TMEM132B: variants seen among roughly 807,000 people sequenced by gnomAD.
The protein encoded by TMEM132B is transmembrane protein 132B.
A neutral mutation model predicts 90.8 loss-of-function variants in TMEM132B; 18 were observed. The observed-to-expected ratio is 0.20, with a 90% CI of 0.14 to 0.29. TMEM132B has a LOEUF of 0.29. TMEM132B is among the 10% of genes least tolerant of loss of function. The pLI is 1.00. For synonymous variants in TMEM132B, 504 were observed against 523.3 expected, an observed-to-expected ratio of 0.96 and a Z score of 0.50; for missense variants, 1,096 against 1,326.8, an observed-to-expected ratio of 0.83 and a Z score of 2.70.
At chr12:125,269,621 A>T (rs534135659) in intron 1 of TMEM132B, among the ~76,000 whole-genome samples, 1 of 152,240 alleles carries the variant, frequency 6.6e-6, no homozygotes, top group South Asian at 2.1e-4. Flanking sequence ...GTGTCCGGGG[A>T]TCATCCTGTC....
intron 3 of TMEM132B, among the ~76,000 whole-genome samples, chr12:125,435,068 GTC>G (rs1242206111): frequency 6.6e-6 from 1 of 152,172 alleles, no homozygotes; most frequent in African/African-American, 2.4e-5. Context: ...TGTACAGATT[GTC>G]TCTTCTTAAG....
chr12:125,555,524 A>G (rs1335897608), intron 4 of TMEM132B, among the ~76,000 whole-genome samples: 1 of 136,900 alleles, frequency 7.3e-6, no homozygotes, highest in Non-Finnish European at 1.5e-5. Context: ...TGGAGAGGTT[A>G]AGTGCAGGAA....
chr12:125,295,095 C>T (rs1159371797), intron 1 of TMEM132B, among the ~76,000 whole-genome samples: 2 of 152,106 alleles, frequency 1.3e-5, no homozygotes, highest in African/African-American at 4.8e-5. Flanking sequence ...AGGAAGTGAA[C>T]AAAAGTTAAC....
At chr12:125,466,426 A>G (rs563362667) in intron 3 of TMEM132B, among the ~76,000 whole-genome samples, 2 of 152,310 alleles carry the variant, frequency 1.3e-5, no homozygotes, top group East Asian at 3.9e-4. Flanking sequence ...GGTAGTTCTC[A>G]CCAGGACAAC....
chr12:125,567,520 C>A (rs555618554), intron 4 of TMEM132B, among the ~76,000 whole-genome samples: 1 of 152,174 alleles, frequency 6.6e-6, no homozygotes, highest in Non-Finnish European at 1.5e-5. Context: ...AACGGAGCCT[C>A]CAGCCAAGGC....
chr12:125,299,013 G>A (rs982994462), intron 1 of TMEM132B, among the ~76,000 whole-genome samples: 2 of 152,020 alleles, frequency 1.3e-5, no homozygotes, highest in African/African-American at 4.8e-5. Flanking sequence ...GATTACAGGC[G>A]TGAGCCACCA....
chr12:125,532,767 G>A (rs1023189125), intron 4 of TMEM132B, among the ~76,000 whole-genome samples: 9 of 151,930 alleles, frequency 5.9e-5, no homozygotes, highest in Admixed American at 2.6e-4. Context: ...TGCCCCCCTC[G>A]GCCTCCCAAA....
rs191656820 is a variant in TMEM132B, at chr12:125,468,563, T to G, written c.1107-50876T>G. Among the ~76,000 whole-genome samples, 195 of 152,326 alleles carry G rather than the reference T, an allele frequency of 1.3e-3. 1 individual carries two copies. Among genetic ancestry groups the G allele is most frequent in the Middle Eastern group, 3.4e-3 (1 of 294 alleles). On this transcript the variant is annotated intron_variant, in intron 3 of 8. Coordinates refer to ENST00000682704, the MANE Select transcript of TMEM132B (RefSeq NM_001366854.1). ...GTGTATGTGGCTTTGTTTAAGATCA[T>G]TTGACCAATACGTGAGGGCTTATTT...
At chr12:125,516,479 C>T (rs113148737) in intron 3 of TMEM132B, among the ~76,000 whole-genome samples, 75 of 152,318 alleles carry the variant, frequency 4.9e-4, no homozygotes, top group African/African-American at 1.7e-3. Flanking sequence ...AAAACCTGTA[C>T]ATAAAAGAAG....
At chr12:125,345,374 A>T (rs192474799) in intron 1 of TMEM132B, among the ~76,000 whole-genome samples, 1 of 152,248 alleles carries the variant, frequency 6.6e-6, no homozygotes, top group African/African-American at 2.4e-5. Flanking sequence ...GCAGGTTCAC[A>T]TTGTACCATC....
At chr12:125,214,714 T>G (rs1873395496) in intron 1 of TMEM132B, among the ~76,000 whole-genome samples, 2 of 152,204 alleles carry the variant, frequency 1.3e-5, no homozygotes, top group Non-Finnish European at 2.9e-5. Flanking sequence ...GAGCTGGATA[T>G]TTCCCAGTTG....
intron 4 of TMEM132B, among the ~76,000 whole-genome samples, chr12:125,575,140 C>G (rs1331916158): frequency 7.4e-6 from 1 of 135,796 alleles, no homozygotes; most frequent in Admixed American, 8.3e-5. Flanking sequence ...TTTGAGGAAG[C>G]ACCAAACTTT....
intron 1 of TMEM132B, among the ~76,000 whole-genome samples, chr12:125,287,255 A>G (rs532398396): frequency 4.6e-5 from 7 of 152,086 alleles, no homozygotes; most frequent in African/African-American, 1.7e-4. Context: ...TTGTGATGAC[A>G]TCATGCCCAC....
At chr12:125,511,195 C>G (rs1417303960) in intron 3 of TMEM132B, among the ~76,000 whole-genome samples, 3 of 152,164 alleles carry the variant, frequency 2.0e-5, no homozygotes. Context: ...TAGCATTATG[C>G]TTTTAAGGTT....
rs550149662 is a variant in TMEM132B, at chr12:125,641,751, CTGGTGTGTTCTCTCCAGTGGGA to C, written c.1438-2322_1438-2301del. On this transcript the variant is annotated intron_variant, in intron 5 of 8. Transcript: ENST00000682704. The stretch of plus-strand genomic sequence containing the variant: ...AGAAAGGGCCTCACAGTTTCCAAAA[CTGGTGTGTTCTCTCCAGTGGGA>C]TGTGATTCAGAGTGATTTGATGTGT... Among the ~76,000 whole-genome samples, 221 of 152,286 alleles carry C rather than the reference CTGGTGTGTTCTCTCCAGTGGGA, an allele frequency of 1.5e-3. 1 individual carries two copies. The highest frequency in any genetic ancestry group is 4.9e-3 in the African/African-American group (202 of 41,566).
At chr12:125,325,668 CCTGTGTGT>C (rs1377284622) in intron 1 of TMEM132B, among the ~76,000 whole-genome samples, 2,690 of 139,430 alleles carry the variant, frequency 0.019, 56 homozygotes, top group Admixed American at 0.034. Flanking sequence ...TGCCTCCCAC[CCTGTGTGT>C]GTGTGTGTGT....
rs554422427 is a variant in TMEM132B at position 125,314,041 on chromosome 12, T to A, written c.68-35411T>A. On this transcript the variant is annotated intron_variant, in intron 1 of 8. Coordinates refer to ENST00000682704, the MANE Select transcript of TMEM132B (RefSeq NM_001366854.1). ...TCATCATCCCCAGGATCAGTGCATC[T>A]TTTTTGGTCTCTGTTCTTGTCATCC... Among the ~76,000 whole-genome samples, 165 of 152,170 alleles carry A rather than the reference T, an allele frequency of 1.1e-3. 1 individual carries two copies. The highest frequency in any genetic ancestry group is 3.9e-3 in the African/African-American group (161 of 41,520).
rs561395473 is a variant in TMEM132B, at chr12:125,379,578, G to T, written c.959+29235G>T. 4.6e-5 allele frequency among the ~76,000 whole-genome samples: 7 copies of T among 152,302 alleles called. No individual in the cohort carries two copies. In the South Asian group the frequency reaches 6.2e-4, roughly 14 times the overall value. On this transcript the variant is annotated intron_variant, in intron 2 of 8. Coordinates refer to ENST00000682704, the MANE Select transcript of TMEM132B (RefSeq NM_001366854.1). ...AACCCCTTGATTTTAGCTCATCTTG[G>T]ATTTTTGAACTGTAGAATGATAAGA...
rs558522331 is a variant in TMEM132B at position 125,246,755 on chromosome 12, C to T, written c.67+59889C>T. 6.6e-6 allele frequency among the ~76,000 whole-genome samples: 1 copy of T among 152,238 alleles called. No homozygotes were observed. Among genetic ancestry groups the T allele is most frequent in the South Asian group, 2.1e-4 (1 of 4,812 alleles). Reference sequence around the variant, plus strand: ...GGCTTTCAGGCACCTATCTTCTCACCCTTTGTTCCTGTGGACAGAAGTGAT... The same window carrying T: ...GGCTTTCAGGCACCTATCTTCTCACTCTTTGTTCCTGTGGACAGAAGTGAT... On this transcript the variant is annotated intron_variant, in intron 1 of 8. Transcript: ENST00000682704. This position sits in a 1 kb window ranked among gnomAD's most constrained non-coding sequence, Gnocchi z 4.2.
Sources: gnomAD v4.1 joint callset for allele counts (sites outside exome capture counted in the v4.1 genomes callset) on GRCh38, gnomAD v4.1.1 for gene constraint, Gnocchi (gnomAD v3.1) non-coding constraint, MANE v1.5 for transcripts, NCBI Gene and HGNC (gene_info 2026-07-23, HGNC 2026-07-21) for gene names.